Variants in IL6ST observed in about 807,000 individuals in gnomAD.
IL6ST encodes the protein interleukin 6 cytokine family signal transducer.
In IL6ST, 24 loss-of-function variants were observed where a neutral mutation model predicts 91.3. That is an observed-to-expected ratio of 0.26 (90% CI 0.19 to 0.37). The LOEUF (loss-of-function observed/expected upper bound fraction) is 0.37, where lower values mean the gene tolerates loss of function less well. Ranked by LOEUF, IL6ST falls within the 10% of genes least tolerant of loss-of-function variation. The pLI is 1.00. For synonymous variants in IL6ST, 351 were observed against 373.6 expected (o/e 0.94, Z 0.70); for missense variants, 914 against 1,078.5 (o/e 0.85, Z 2.14).
rs780528560 is a variant in IL6ST, at chr5:55,941,556, G to A, written c.2283C>T (p.Thr761=). The change falls in exon 17 of 17, where the codon ACC becomes ACT. Residue 761 remains threonine, a synonymous_variant. Transcript: ENST00000381298. ...GGTGTCTGTAGCCACTGTGTACCAC[G>A]GTAGAATACTGGACAGTGCTCGAAG... ...QNTSSTVQYS[T]VVHSGYRHQV... 6.1e-5 allele frequency: 98 copies of A among 1,613,994 alleles called. No homozygotes were observed. In the South Asian group the frequency reaches 7.1e-4, roughly 12 times the overall value.
At chr5:55,960,068 T>C (rs1752220139) in intron 8 of IL6ST, among the ~76,000 whole-genome samples, 2 of 152,028 alleles carry the variant, frequency 1.3e-5, no homozygotes, top group Non-Finnish European at 2.9e-5. Flanking sequence ...GTATTTTTAA[T>C]AGAGAAGGGG....
intron 4 of IL6ST, 148 bp from the exon 5 acceptor site, chr5:55,968,544 C>T: frequency 1.5e-6 from 1 of 657,226 alleles, no homozygotes; most frequent in East Asian, 2.9e-5. Context: ...AGGCTGATGA[C>T]AATTTCTTTT....
At chr5:55,952,217 CT>C (rs761084665) in intron 12 of IL6ST, 32 bp downstream of exon 12, 94 of 1,526,842 alleles carry the variant, frequency 6.2e-5, no homozygotes, top group Admixed American at 9.1e-5. Flanking sequence ...AAGCCCTAAA[CT>C]TTTTTTTTCA....
intron 3 of IL6ST, among the ~76,000 whole-genome samples, chr5:55,971,690 C>T (rs1752974658): frequency 1.3e-5 from 2 of 152,148 alleles, no homozygotes; most frequent in Admixed American, 1.3e-4. Flanking sequence ...GGCATGGTGG[C>T]ACACGCCTGT....
intron 8 of IL6ST, chr5:55,959,525 G>T: frequency 2.3e-6 from 1 of 440,358 alleles, no homozygotes; most frequent in Non-Finnish European, 3.8e-6. Context: ...CAGATGCTTT[G>T]CAGTGAGGAT....
chr5:55,945,644 T>TA (rs1279667558), intron 15 of IL6ST, among the ~76,000 whole-genome samples: 1 of 140,346 alleles, frequency 7.1e-6, no homozygotes, highest in East Asian at 2.0e-4. Context: ...ATAAAAAACT[T>TA]ATGCTTTTTT....
intron 2 of IL6ST, among the ~76,000 whole-genome samples, chr5:55,979,818 A>C (rs1753537428): frequency 6.6e-6 from 1 of 152,244 alleles, no homozygotes; most frequent in African/African-American, 2.4e-5. Flanking sequence ...ATAAAACAAC[A>C]CATGTACAAA....
At chr5:55,981,617 TG>T (rs1753678182) in intron 2 of IL6ST, among the ~76,000 whole-genome samples, 1 of 152,084 alleles carries the variant, frequency 6.6e-6, no homozygotes, top group Non-Finnish European at 1.5e-5. Flanking sequence ...CACTCCAGCC[TG>T]GGTGACAGAG....
intron 2 of IL6ST, among the ~76,000 whole-genome samples, chr5:55,981,645 A>T (rs1409031658): frequency 6.6e-6 from 1 of 152,180 alleles, no homozygotes; most frequent in African/African-American, 2.4e-5. Context: ...TCCATCTCAA[A>T]AAAATAAAAA....
chr5:55,959,417 C>T (rs1039624999), intron 8 of IL6ST, among the ~76,000 whole-genome samples: 6 of 152,102 alleles, frequency 3.9e-5, no homozygotes, highest in African/African-American at 1.4e-4. Context: ...TTTTCAGCCA[C>T]AGCTACTGCC....
chr5:55,963,564 C>A, intron 6 of IL6ST, 58 bp from the exon 7 acceptor site: 1 of 1,169,776 alleles, frequency 8.5e-7, no homozygotes, highest in South Asian at 1.3e-5. Flanking sequence ...TATACAAACT[C>A]AAATATACTC....
chr5:55,944,588 G>A, intron 15 of IL6ST: 1 of 567,394 alleles, frequency 1.8e-6, no homozygotes, highest in East Asian at 3.5e-5. Context: ...CGGATTGAAA[G>A]ACTCAGTAGC....
At chr5:55,976,376 T>C in intron 2 of IL6ST, 83 bp from the exon 3 acceptor site, 2 of 640,178 alleles carry the variant, frequency 3.1e-6, no homozygotes, top group Non-Finnish European at 2.5e-6. Context: ...GTTTCCATGC[T>C]GTAGCTGTGT....
chr5:55,985,806 T>C (rs1753932248), intron 1 of IL6ST, among the ~76,000 whole-genome samples: 1 of 152,230 alleles, frequency 6.6e-6, no homozygotes, highest in Non-Finnish European at 1.5e-5. Context: ...GGCAAGCTTT[T>C]CATGTATGAG....
At chr5:55,994,583 G>C (rs1435303355) in intron 1 of IL6ST, among the ~76,000 whole-genome samples, 1 of 151,984 alleles carries the variant, frequency 6.6e-6, no homozygotes, top group Non-Finnish European at 1.5e-5. Context: ...TGCGATAATC[G>C]AGGTGACAAA....
intron 15 of IL6ST, chr5:55,944,610 A>C: frequency 4.7e-6 from 3 of 631,754 alleles, no homozygotes; most frequent in South Asian, 3.0e-5. Context: ...TTAAGACTGC[A>C]GTTCTCTCTC....
At chr5:55,956,763 C>CATT (rs1421263731) in intron 9 of IL6ST, among the ~76,000 whole-genome samples, 1 of 152,090 alleles carries the variant, frequency 6.6e-6, no homozygotes, top group Non-Finnish European at 1.5e-5. Flanking sequence ...ACATATAAAG[C>CATT]ATTACCTTTC....
Position 55,956,180 on chromosome 5 carries a change from G to T in IL6ST, c.1112C>A (p.Thr371Lys), listed in dbSNP as rs756671047. ...ATTTTGTAAATGTGATTTCCATCTT[G>T]TGAGAGTCACTTCATAATCCAAGAT... Reference protein sequence around the residue: ...GKILDYEVTLTRWKSHLQNYT... With the variant: ...GKILDYEVTLKRWKSHLQNYT... Residue 371 changes from threonine (T) to lysine (K), a missense_variant, in exon 10 of 17, where the codon ACA (threonine) becomes AAA (lysine). Thr to Lys is a moderately conservative substitution (Grantham distance 78). Coordinates refer to ENST00000381298, the MANE Select transcript of IL6ST (RefSeq NM_002184.4). 1.2e-5 allele frequency: 20 copies of T among 1,612,206 alleles called. No homozygotes were observed. The South Asian group carries it at 2.1e-4, about 17-fold the overall frequency.
chr5:55,989,153 G>A (rs1485035652), intron 1 of IL6ST, among the ~76,000 whole-genome samples: 1 of 107,340 alleles, frequency 9.3e-6, no homozygotes, highest in Non-Finnish European at 1.7e-5. Flanking sequence ...AAAAAGTCTC[G>A]CAGAAAAAAA....
Sources: gnomAD v4.1 joint callset for allele counts (sites outside exome capture counted in the v4.1 genomes callset) on GRCh38, gnomAD v4.1.1 for gene constraint, MANE v1.5 for transcripts, NCBI Gene and HGNC (gene_info 2026-07-23, HGNC 2026-07-21) for gene names.